GRM6: variants seen among roughly 807,000 people sequenced by gnomAD.
GRM6 encodes metabotropic glutamate receptor 6.
Under a neutral mutation model 78.4 loss-of-function variants are expected in GRM6, and 73 were observed. That is an observed-to-expected ratio of 0.93 (90% CI 0.77 to 1.13). The LOEUF is 1.13. GRM6 is among the 50% of genes most tolerant of loss of function. The pLI is 0.00. For synonymous variants in GRM6, 580 were observed against 555.0 expected (o/e 1.05, Z -0.63); for missense variants, 1,251 against 1,256.4 (o/e 1.00, Z 0.07).
chr5:178,983,388 A>T, intron 9 of GRM6, 167 bp from the exon 10 acceptor site: 2 of 724,876 alleles, frequency 2.8e-6, no homozygotes, highest in Non-Finnish European at 4.9e-6. Flanking sequence ...AGAAGAGGGG[A>T]TGGCAGCCCA....
At chr5:178,994,154 T>C (rs1029386763) in intron 2 of GRM6, among the ~76,000 whole-genome samples, 2 of 152,064 alleles carry the variant, frequency 1.3e-5, no homozygotes, top group African/African-American at 4.8e-5. Flanking sequence ...AAATGGGGGC[T>C]GAAGTCAGGC....
chr5:178,985,813 T>C (rs1002113850), intron 9 of GRM6: 104 of 517,896 alleles, frequency 2.0e-4, no homozygotes, highest in African/African-American at 1.7e-3. Flanking sequence ...CCAAGCTGGA[T>C]TGTAGTGGTG....
At position 178,981,617 on chromosome 5, in the gene GRM6, A is replaced by T; in HGVS notation, c.*40T>A. 1 of 1,491,452 alleles carries T rather than the reference A, an allele frequency of 6.7e-7. No homozygotes were observed. Among genetic ancestry groups the T allele is most frequent in the Non-Finnish European group, 9.4e-7 (1 of 1,069,306 alleles). The allele number at this position is 1,491,452 out of a possible 1,614,324, so 92.4% of individuals were successfully genotyped here. ...GCTTCCACCTCGAGGCAAGAGGAAG[A>T]AAGGAGAGGCAGCAAGCAGTCCCGT... On this transcript the variant is annotated 3_prime_UTR_variant, in exon 11 of 11. Transcript: ENST00000517717. The surrounding 1 kb of genome is among the most constrained non-coding windows in gnomAD (Gnocchi z 5.1).
intron 5 of GRM6, chr5:178,989,625 C>T: frequency 1.6e-6 from 1 of 620,146 alleles, no homozygotes; most frequent in Non-Finnish European, 2.9e-6. Flanking sequence ...GGCCAGGTGA[C>T]CAAGTTCTGA....
chr5:178,984,088 A>G (rs974302630), intron 9 of GRM6, among the ~76,000 whole-genome samples: 4 of 152,156 alleles, frequency 2.6e-5, no homozygotes, highest in African/African-American at 9.7e-5. Flanking sequence ...TGAACAAAGG[A>G]CCTTCCAAAT....
rs761936451 is a variant in GRM6 at position 178,986,175 on chromosome 5, G to A, written c.2079C>T (p.Ser693=). The part of the protein sequence containing the change: ...KRSVTPPPFI[S]PTSQLVITFS... ...AGGTGATGACCAGCTGTGAGGTGGG[G>A]CTGATGAAGGGAGGGGGTGTGACCG... Residue 693 remains serine (S), a synonymous_variant, in exon 9 of 11, where the codon AGC becomes AGT. Transcript: ENST00000517717. The A allele has an allele frequency of 6.2e-6, 10 of 1,613,922 alleles. 1 individual carries two copies. The South Asian group carries it at 1.1e-4, about 18-fold the overall frequency.
At chr5:178,990,528 G>A in intron 5 of GRM6, 64 bp downstream of exon 5, 4 of 1,304,804 alleles carry the variant, frequency 3.1e-6, no homozygotes, top group Non-Finnish European at 3.3e-6. Context: ...CAGAAAATGA[G>A]CATCCCCAAG....
Position 178,986,246 on chromosome 5 carries a change from T to C in GRM6, c.2008A>G (p.Thr670Ala), listed in dbSNP as rs1197428662. The C allele has an allele frequency of 6.2e-7, 1 of 1,613,992 alleles. No homozygotes were observed. Among genetic ancestry groups the C allele is most frequent in the African/African-American group, 1.3e-5 (1 of 74,904 alleles). The change falls in exon 9 of 11, where the codon ACC becomes GCC. Residue 670 changes from threonine (T) to alanine (A), a missense_variant. Thr to Ala is a moderately conservative substitution (Grantham distance 58). Transcript: ENST00000517717. ...ATGCGGTAGATACGGTTGGTCTTGG[T>C]GAGCAGGGCAGAGTAGCTGAGGGTC... is the stretch of plus-strand genomic sequence containing the variant. ...GTTLSYSALLTKTNRIYRIFE... is the reference protein window; with the variant it reads ...GTTLSYSALLAKTNRIYRIFE...
intron 1 of GRM6, 125 bp from the exon 2 acceptor site, chr5:178,995,085 C>A: frequency 2.4e-6 from 1 of 409,500 alleles, no homozygotes; most frequent in Non-Finnish European, 3.5e-6. Context: ...TCCACTTCGG[C>A]TCTGGGGAGT....
rs1052467557 is a variant in GRM6, at chr5:178,991,313, G to A, written c.857+111C>T. ...GCAGCAGGGAAGGTGGGGGGTGCGG[G>A]GAGCAGGGGAAAGGGAGGCAGGGAG... On this transcript the variant is annotated intron_variant, in intron 4 of 10. Transcript: ENST00000517717. This position sits in a 1 kb window ranked among gnomAD's most constrained non-coding sequence, Gnocchi z 5.0. The A allele has an allele frequency of 1.8e-5, 19 of 1,080,342 alleles. No homozygotes were observed. The highest frequency in any genetic ancestry group is 2.6e-5 in the Non-Finnish European group (18 of 704,458). The allele number at this position is 1,080,342 out of a possible 1,614,324, so 66.9% of individuals were successfully genotyped here.
At position 178,991,602 on chromosome 5, in the gene GRM6, C is replaced by T. The variant is rs748399867; in HGVS notation, c.722-43G>A. 2 of 1,607,476 alleles carry T rather than the reference C, an allele frequency of 1.2e-6. No homozygotes were observed. Among genetic ancestry groups the T allele is most frequent in the South Asian group, 1.1e-5 (1 of 90,940 alleles). On this transcript the variant is annotated intron_variant, in intron 3 of 10. Transcript: ENST00000517717. This position sits in a 1 kb window ranked among gnomAD's most constrained non-coding sequence, Gnocchi z 5.0. ...CAGAGTCAGCTTCCGTCCCACCCAC[C>T]CACACACCCACCTGGCCACCGCTGC...
Position 178,991,559 on chromosome 5 carries a change from C to G in GRM6, c.722G>C (p.Gly241Ala). Residue 241 changes from glycine to alanine, a missense_variant and splice_region_variant, in exon 4 of 11, where the codon GGG becomes GCG. Coordinates refer to ENST00000517717, the MANE Select transcript of GRM6 (RefSeq NM_000843.4). This position sits in a 1 kb window ranked among gnomAD's most constrained non-coding sequence, Gnocchi z 5.0. Reference protein sequence around the residue: ...EAFVQISREAGGVCIAQSIKI... With the variant: ...EAFVQISREAAGVCIAQSIKI... ...GATAGACTGGGCAATACAGACCCCC[C>G]CTGGGCGTTGGGGGTGCCAGAGTCA... The G allele has an allele frequency of 8.1e-6, 13 of 1,613,894 alleles. No homozygotes were observed. Among genetic ancestry groups the G allele is most frequent in the African/African-American group, 1.3e-5 (1 of 74,998 alleles).
chr5:178,992,090 G>A lies in GRM6; in HGVS notation c.505-7C>T, dbSNP rs757490810. The A allele has an allele frequency of 1.2e-6, 2 of 1,605,928 alleles. No homozygotes were observed. Among genetic ancestry groups the A allele is most frequent in the Non-Finnish European group, 1.7e-6 (2 of 1,173,110 alleles). ...CATAGCTGATCTGGGGTATCTGTGGGGCAGGAAGGACAGCTGGGCTGTGGA... is the reference window on the plus strand; with the variant it reads ...CATAGCTGATCTGGGGTATCTGTGGAGCAGGAAGGACAGCTGGGCTGTGGA... On this transcript the variant is annotated splice_region_variant and splice_polypyrimidine_tract_variant and intron_variant, in intron 2 of 10. Coordinates refer to ENST00000517717, the MANE Select transcript of GRM6 (RefSeq NM_000843.4). The surrounding 1 kb of genome is among the most constrained non-coding windows in gnomAD (Gnocchi z 4.9).
chr5:178,987,047 G>T (rs1188439952), intron 7 of GRM6, 64 bp from the exon 8 acceptor site: 19 of 1,538,514 alleles, frequency 1.2e-5, no homozygotes, highest in Middle Eastern at 1.7e-4. Context: ...TCCTGGGGAG[G>T]CCCCAGGGAC....
chr5:178,986,901 A>G lies in GRM6; in HGVS notation c.1437T>C (p.Asn479=), dbSNP rs769871008. Residue 479 remains asparagine (N), a synonymous_variant, in exon 8 of 11, where the codon AAT becomes AAC. Coordinates refer to ENST00000517717, the MANE Select transcript of GRM6 (RefSeq NM_000843.4). Reference sequence around the variant, plus strand: ...GGTACCCGCCACTGCTGGCACTGCCATTGGTCGCCTGGTACTGGAAGATGT... The same window carrying G: ...GGTACCCGCCACTGCTGGCACTGCCGTTGGTCGCCTGGTACTGGAAGATGT... The part of the protein sequence containing the change: ...RYDIFQYQAT[N]GSASSGGYQA... 5.0e-6 allele frequency: 8 copies of G among 1,614,042 alleles called. No individual in the cohort carries two copies. In the Admixed American group the frequency reaches 8.3e-5, roughly 17 times the overall value.
chr5:178,987,265 C>T (rs1760585559), intron 7 of GRM6: 1 of 595,964 alleles, frequency 1.7e-6, no homozygotes, highest in Non-Finnish European at 3.2e-6. Flanking sequence ...CAGTGTGGAG[C>T]CTCCTCAAAA....
Position 178,994,930 on chromosome 5 carries a change from C to G in GRM6, c.15G>C (p.Arg5=). 1 of 1,188,588 alleles carries G rather than the reference C, an allele frequency of 8.4e-7. No individual in the cohort carries two copies. Among genetic ancestry groups the G allele is most frequent in the Non-Finnish European group, 1.0e-6 (1 of 960,904 alleles). The allele number at this position is 1,188,588 out of a possible 1,614,324, so 73.6% of individuals were successfully genotyped here. The change falls in exon 2 of 11, where the codon CGG becomes CGC. Residue 5 remains arginine (R), a synonymous_variant. Transcript: ENST00000517717. MARP[R]RAREPLLVAL... ...CCACGAGCAGCGGCTCCCGGGCTCT[C>G]CGGGGCCGCGCCATCGGCTCGTCTA...
intron 9 of GRM6, 121 bp downstream of exon 9, chr5:178,986,009 A>G (rs974390074): frequency 2.2e-6 from 2 of 895,644 alleles, no homozygotes; most frequent in East Asian, 2.7e-5. Flanking sequence ...TGATCCACCC[A>G]CCTCAGCCTC....
intron 7 of GRM6, 91 bp from the exon 8 acceptor site, chr5:178,987,074 G>A: frequency 7.5e-7 from 1 of 1,340,530 alleles, no homozygotes; most frequent in Non-Finnish European, 1.0e-6. Flanking sequence ...GAGAAAGGAG[G>A]AGCTTAACAA....
Sources: gnomAD v4.1 joint callset for allele counts (sites outside exome capture counted in the v4.1 genomes callset) on GRCh38, gnomAD v4.1.1 for gene constraint, Gnocchi (gnomAD v3.1) non-coding constraint, MANE v1.5 for transcripts, NCBI Gene and HGNC (gene_info 2026-07-23, HGNC 2026-07-21) for gene names.